The following KAT8 variants were observed in gnomAD, a reference collection of about 807,000 sequenced individuals.
KAT8 encodes the protein lysine acetyltransferase 8.
In KAT8, 40 loss-of-function variants were observed where a neutral mutation model predicts 62.9. That is an observed-to-expected ratio of 0.64 (90% confidence interval 0.49 to 0.83). KAT8 has a LOEUF of 0.83. Among genes scored for constraint, KAT8 ranks in the 40% least tolerant of loss-of-function variants. The pLI, the probability that KAT8 is intolerant of heterozygous loss-of-function variation, is 0.00. For synonymous variants in KAT8, 278 were observed against 254.5 expected, an observed-to-expected ratio of 1.09 and a Z score of -0.88; for missense variants, 387 against 614.8, an observed-to-expected ratio of 0.63 and a Z score of 3.92.
chr16:31,118,229 CT>C, intron 1 of KAT8: 1 of 247,034 alleles, frequency 4.0e-6, no homozygotes. Flanking sequence ...TCTGCGTCTT[CT>C]TTTTCCATTT....
intron 3 of KAT8, chr16:31,126,794 A>G: frequency 1.9e-6 from 1 of 532,622 alleles, no homozygotes; most frequent in South Asian, 2.2e-5. Flanking sequence ...CATCTGGCAA[A>G]AGGTCCAAAC....
intron 6 of KAT8, among the ~76,000 whole-genome samples, chr16:31,129,023 C>T (rs943862058): frequency 6.6e-6 from 1 of 152,238 alleles, no homozygotes; most frequent in African/African-American, 2.4e-5. Context: ...GTTGCCTTGT[C>T]ACTTCCTCAC....
chr16:31,127,624 C>G (rs2057542626), intron 5 of KAT8, among the ~76,000 whole-genome samples: 1 of 152,216 alleles, frequency 6.6e-6, no homozygotes, highest in Admixed American at 6.5e-5. Context: ...TTGCCAAGGC[C>G]AGCTCCATCC....
intron 1 of KAT8, 48 bp downstream of exon 1, chr16:31,117,940 G>A: frequency 8.0e-7 from 1 of 1,251,082 alleles, no homozygotes; most frequent in South Asian, 2.3e-5. Flanking sequence ...TCAGGGCCAG[G>A]GGGTGGGGCG....
chr16:31,127,228 A>G lies in KAT8; in HGVS notation c.556A>G (p.Asn186Asp), dbSNP rs774807740. Residue 186 changes from asparagine (N) to aspartate (D), a missense_variant, in exon 5 of 11, where the codon AAC becomes GAC. By Grantham distance (23) the Asn-to-Asp change is conservative (BLOSUM62 1). Around this residue, in one of 6 missense-constraint regions of KAT8, gnomAD observed 141 missense variants for 222.5 expected, o/e 0.63. Transcript: ENST00000219797. The stretch of plus-strand genomic sequence containing the variant: ...GTATGTGGACAAGATCCACATCGGG[A>G]ACTACGAAATTGATGCCTGGTATTT... ...VKYVDKIHIG[N>D]YEIDAWYFSP... The G allele has an allele frequency of 6.2e-7, 1 of 1,614,244 alleles. No homozygotes were observed. The highest frequency in any genetic ancestry group is 1.7e-5 in the Admixed American group (1 of 60,028).
intron 6 of KAT8, among the ~76,000 whole-genome samples, chr16:31,129,073 T>C (rs1054832001): frequency 6.6e-6 from 1 of 152,260 alleles, no homozygotes; most frequent in Non-Finnish European, 1.5e-5. Context: ...TGTTCCTGTT[T>C]CCTTGTCCAT....
At position 31,131,322 on chromosome 16, in the gene KAT8, C is replaced by A; in HGVS notation, c.*63C>A. The A allele has an allele frequency of 1.3e-6, 2 of 1,579,464 alleles. No individual in the cohort carries two copies. The highest frequency in any genetic ancestry group is 2.3e-5 in the East Asian group (1 of 43,580). ...CTCCCAGCCTGTAAATATGTATAGA[C>A]CTGTTTTGTCATTTTTTTAATAAAG... On this transcript the variant is annotated 3_prime_UTR_variant, in exon 11 of 11. Coordinates refer to ENST00000219797, the MANE Select transcript of KAT8 (RefSeq NM_032188.3).
rs1260267251 is a variant in KAT8 at position 31,120,417 on chromosome 16, A to G, written c.365A>G (p.Asn122Ser). 1 of 1,613,946 alleles carries G rather than the reference A, an allele frequency of 6.2e-7. No homozygotes were observed. The highest frequency in any genetic ancestry group is 1.3e-5 in the African/African-American group (1 of 74,918). Residue 122 changes from asparagine (N) to serine (S), a missense_variant, in exon 3 of 11, where the codon AAC (asparagine) becomes AGC (serine). By Grantham distance (46) the Asn-to-Ser change is conservative (BLOSUM62 1). Coordinates refer to ENST00000219797, the MANE Select transcript of KAT8 (RefSeq NM_032188.3). ...TKTVKDAVQK[N>S]SEKYLSELAE... The stretch of plus-strand genomic sequence containing the variant: ...ACAGTGAAGGATGCTGTACAGAAGA[A>G]CTCAGAGAAGTACCTGAGCGAGCTC...
At chr16:31,121,012 G>A (rs1438131530) in intron 3 of KAT8, 1 of 154,642 alleles carries the variant, frequency 6.5e-6, no homozygotes, top group African/African-American at 2.4e-5. Flanking sequence ...CCAGTAAAAC[G>A]GTGGGCTGGA....
intron 9 of KAT8, 56 bp from the exon 10 acceptor site, chr16:31,130,690 T>C: frequency 6.2e-7 from 1 of 1,611,720 alleles, no homozygotes; most frequent in Non-Finnish European, 8.5e-7. Flanking sequence ...GTCACCATCC[T>C]GGCCAGATCC....
At chr16:31,129,566 C>T (rs1338749329) in intron 6 of KAT8, among the ~76,000 whole-genome samples, 1 of 152,148 alleles carries the variant, frequency 6.6e-6, no homozygotes, top group Non-Finnish European at 1.5e-5. Context: ...TGGAGTGCAG[C>T]CAAGTGGACA....
intron 3 of KAT8, chr16:31,124,160 ATCTT>A (rs1216524906): frequency 6.6e-6 from 1 of 152,218 alleles, no homozygotes; most frequent in Admixed American, 6.5e-5. Context: ...GAGGAGGAAA[ATCTT>A]TCTTCCTCAT....
At chr16:31,130,988 C>T in intron 10 of KAT8, 88 bp downstream of exon 10, 1 of 1,542,552 alleles carries the variant, frequency 6.5e-7, no homozygotes, top group East Asian at 2.4e-5. Context: ...ATTGCTGTCA[C>T]ATGATCCCAA....
chr16:31,118,016 G>A (rs1443216378), intron 1 of KAT8, 124 bp downstream of exon 1: 24 of 735,508 alleles, frequency 3.3e-5, no homozygotes, highest in East Asian at 6.8e-5. Flanking sequence ...GAGGAGGGGC[G>A]GGGCTTGAGG....
At chr16:31,128,168 G>T in intron 6 of KAT8, 29 bp downstream of exon 6, 1 of 1,563,452 alleles carries the variant, frequency 6.4e-7, no homozygotes, top group African/African-American at 1.4e-5. Context: ...GTTGGGAGAG[G>T]CCGGGGAGGC....
chr16:31,127,028 G>C lies in KAT8; in HGVS notation c.463-7G>C. On this transcript the variant is annotated splice_region_variant and splice_polypyrimidine_tract_variant and intron_variant, in intron 3 of 10. Coordinates refer to ENST00000219797, the MANE Select transcript of KAT8 (RefSeq NM_032188.3). ...TCACCTCTGCCCACTTTTCTTTCCTGGCCCAGACTTATGCAGAGATGGACC... is the reference window on the plus strand; with the variant it reads ...TCACCTCTGCCCACTTTTCTTTCCTCGCCCAGACTTATGCAGAGATGGACC... The C allele has an allele frequency of 6.2e-7, 1 of 1,614,138 alleles. No individual in the cohort carries two copies. Among genetic ancestry groups the C allele is most frequent in the Non-Finnish European group, 8.5e-7 (1 of 1,180,022 alleles).
chr16:31,126,836 G>A (rs2057534691), intron 3 of KAT8, 199 bp from the exon 4 acceptor site: 1 of 589,530 alleles, frequency 1.7e-6, no homozygotes, highest in Non-Finnish European at 3.0e-6. Flanking sequence ...GATATCGGGG[G>A]TGGGGCGGGT....
In KAT8 at chr16:31,117,738, G is replaced by T; in HGVS notation, c.57G>T (p.Gly19=). Residue 19 remains glycine, a synonymous_variant, in exon 1 of 11, where the codon GGG becomes GGT. Transcript: ENST00000219797. ...CGGCGGGGACTTCAGGGGTCGCGGGGGAGGGCGAGCCCGGGCCCGGGGAGA... is the reference window on the plus strand; with the variant it reads ...CGGCGGGGACTTCAGGGGTCGCGGGTGAGGGCGAGCCCGGGCCCGGGGAGA... The part of the protein sequence containing the change: ...AVAAGTSGVA[G]EGEPGPGENA... The T allele has an allele frequency of 7.3e-7, 1 of 1,379,296 alleles. No homozygotes were observed. The highest frequency in any genetic ancestry group is 1.6e-5 in the South Asian group (1 of 62,716). The allele number at this position is 1,379,296 out of a possible 1,614,324, so 85.4% of individuals were successfully genotyped here. A position where few individuals can be genotyped will look rare whatever the true frequency, so the allele number is the denominator to read the frequency against.
At chr16:31,120,857 C>G in intron 3 of KAT8, 1 of 243,634 alleles carries the variant, frequency 4.1e-6, no homozygotes, top group Admixed American at 5.0e-5. Context: ...TCGGCAGTTG[C>G]TATAGCCAAG....
Sources: allele counts gnomAD v4.1 joint callset (sites outside exome capture counted in the v4.1 genomes callset), GRCh38; gene constraint gnomAD v4.1.1; regional missense constraint gnomAD v4.1.1; transcripts MANE v1.5; gene names NCBI Gene and HGNC (gene_info 2026-07-23, HGNC 2026-07-21).